Variants in TNS3 observed in about 807,000 individuals in gnomAD.
TNS3 encodes tensin 3, also known as tensin-3.
Under a neutral mutation model 140.9 loss-of-function variants are expected in TNS3, and 45 were observed. The ratio of observed to expected loss-of-function variants is 0.32; its 90% CI spans 0.25 to 0.41. TNS3 has a LOEUF of 0.41. Among genes scored for constraint, TNS3 ranks in the 10% least tolerant of loss-of-function variants. TNS3 has a pLI of 1.00. For synonymous variants in TNS3, 815 were observed against 788.4 expected, an observed-to-expected ratio of 1.03 and a Z score of -0.56; for missense variants, 1,716 against 1,906.7, an observed-to-expected ratio of 0.90 and a Z score of 1.86.
intron 4 of TNS3, among the ~76,000 whole-genome samples, chr7:47,477,407 G>A (rs561126159): frequency 3.9e-5 from 6 of 152,262 alleles, no homozygotes; most frequent in Non-Finnish European, 5.9e-5. Context: ...CTCCAGGTGT[G>A]GGAGGGGCCG....
chr7:47,426,180 G>C (rs1794640740), intron 9 of TNS3, among the ~76,000 whole-genome samples: 1 of 152,132 alleles, frequency 6.6e-6, no homozygotes, highest in Non-Finnish European at 1.5e-5. Flanking sequence ...TACTTGAGAG[G>C]CTGAGGCAGG....
chr7:47,384,782 G>T (rs565564734), intron 16 of TNS3, among the ~76,000 whole-genome samples: 2 of 152,264 alleles, frequency 1.3e-5, no homozygotes, highest in South Asian at 4.1e-4. Context: ...GACATCGAGG[G>T]CAACACAGAT....
chr7:47,372,397 C>A (rs1399403716), intron 16 of TNS3, among the ~76,000 whole-genome samples: 4 of 152,258 alleles, frequency 2.6e-5, no homozygotes, highest in Non-Finnish European at 4.4e-5. Context: ...TAAAACAATT[C>A]TTCTAATCTA....
intron 28 of TNS3, among the ~76,000 whole-genome samples, chr7:47,283,176 T>A (rs1254096392): frequency 6.6e-6 from 1 of 152,250 alleles, no homozygotes; most frequent in Non-Finnish European, 1.5e-5. Context: ...TCCATGCTTA[T>A]GCTGGGCATT....
intron 10 of TNS3, among the ~76,000 whole-genome samples, chr7:47,422,566 T>C (rs190760953): frequency 7.2e-5 from 11 of 151,976 alleles, no homozygotes; most frequent in South Asian, 4.2e-4. Context: ...TGAGCCAAGA[T>C]TGCACCACTG....
At chr7:47,524,800 C>T (rs1331879555) in intron 2 of TNS3, among the ~76,000 whole-genome samples, 1 of 76,086 alleles carries the variant, frequency 1.3e-5, no homozygotes, top group Non-Finnish European at 2.3e-5. Flanking sequence ...CAGAGCGAGA[C>T]TCCGTCTCAA....
intron 4 of TNS3, among the ~76,000 whole-genome samples, chr7:47,468,384 T>A (rs1007466742): frequency 6.6e-6 from 1 of 152,138 alleles, no homozygotes; most frequent in Non-Finnish European, 1.5e-5. Flanking sequence ...GAGGTTGCAG[T>A]GAACCAAGAT....
chr7:47,492,547 G>A (rs1319009275), intron 3 of TNS3, among the ~76,000 whole-genome samples: 1 of 152,238 alleles, frequency 6.6e-6, no homozygotes, highest in Non-Finnish European at 1.5e-5. Flanking sequence ...CTACTGGGCA[G>A]GTGCCTGTGC....
intron 3 of TNS3, among the ~76,000 whole-genome samples, chr7:47,497,697 A>ACACACACACACACACACACACG (rs139313048): frequency 3.4e-4 from 50 of 148,522 alleles, no homozygotes; most frequent in South Asian, 4.3e-4. Flanking sequence ...ACACACACAC[A>ACACACACACACACACACACACG]GAGCAGGAAA....
At chr7:47,326,088 T>C (rs1182376715) in intron 20 of TNS3, among the ~76,000 whole-genome samples, 1 of 152,216 alleles carries the variant, frequency 6.6e-6, no homozygotes, top group Non-Finnish European at 1.5e-5. Context: ...ACACAGCTCT[T>C]GGGACTGTTG....
intron 20 of TNS3, among the ~76,000 whole-genome samples, chr7:47,319,625 T>A (rs953852576): frequency 3.3e-5 from 5 of 152,120 alleles, no homozygotes; most frequent in African/African-American, 9.7e-5. Flanking sequence ...GGGAGAAACC[T>A]CCCCTGTAAT....
At chr7:47,362,165 G>C (rs1464414241) in intron 17 of TNS3, among the ~76,000 whole-genome samples, 1 of 152,214 alleles carries the variant, frequency 6.6e-6, no homozygotes, top group East Asian at 1.9e-4. Flanking sequence ...AGTCAGACCA[G>C]AGTGAGGGAG....
chr7:47,462,016 C>T (rs1796511294), intron 4 of TNS3, among the ~76,000 whole-genome samples: 1 of 152,200 alleles, frequency 6.6e-6, no homozygotes, highest in Non-Finnish European at 1.5e-5. Context: ...CTGGAGAGAA[C>T]TCAAAGACAG....
At chr7:47,528,316 AG>A (rs751750251) in intron 2 of TNS3, among the ~76,000 whole-genome samples, 2 of 152,166 alleles carry the variant, frequency 1.3e-5, no homozygotes, top group Non-Finnish European at 2.9e-5. Flanking sequence ...GGAGGCACTG[AG>A]GGGGAGGTCC....
intron 17 of TNS3, among the ~76,000 whole-genome samples, chr7:47,348,731 A>T (rs558811315): frequency 6.6e-6 from 1 of 151,828 alleles, no homozygotes; most frequent in East Asian, 1.9e-4. Flanking sequence ...TGATCTGGAG[A>T]AGGAGGATGG....
intron 1 of TNS3, among the ~76,000 whole-genome samples, chr7:47,540,296 G>A (rs1401634170): frequency 6.6e-6 from 1 of 152,076 alleles, no homozygotes; most frequent in African/African-American, 2.4e-5. Context: ...TTCTTCCCAG[G>A]GAGGATGAAT....
chr7:47,508,406 AAG>A (rs1798493606), intron 2 of TNS3, among the ~76,000 whole-genome samples: 1 of 152,356 alleles, frequency 6.6e-6, no homozygotes, highest in East Asian at 1.9e-4. Flanking sequence ...TTTTCAAATC[AAG>A]AGAGACTTGC....
At chr7:47,388,653 T>C (rs1364878910) in intron 16 of TNS3, among the ~76,000 whole-genome samples, 1 of 152,122 alleles carries the variant, frequency 6.6e-6, no homozygotes, top group Non-Finnish European at 1.5e-5. Flanking sequence ...TCTCCTGAGT[T>C]GAAGAGATCG....
chr7:47,484,921 C>A (rs1230673016), intron 3 of TNS3, among the ~76,000 whole-genome samples: 1 of 152,204 alleles, frequency 6.6e-6, no homozygotes, highest in Non-Finnish European at 1.5e-5. Flanking sequence ...GAAGCTAACA[C>A]TTCTTTAGCA....
Sources: allele counts gnomAD v4.1 joint callset (sites outside exome capture counted in the v4.1 genomes callset), GRCh38; gene constraint gnomAD v4.1.1; transcripts MANE v1.5; gene names NCBI Gene and HGNC (gene_info 2026-07-23, HGNC 2026-07-21).